Variants in RFX1 observed in about 807,000 individuals in gnomAD.
The protein encoded by RFX1 is MHC class II regulatory factor RFX1.
Under a neutral mutation model 119.6 loss-of-function variants are expected in RFX1, and 42 were observed. The observed-to-expected ratio is 0.35, with a 90% CI of 0.27 to 0.45. RFX1 has a LOEUF of 0.45. RFX1 is among the 20% of genes least tolerant of loss of function. The pLI, the probability that RFX1 is intolerant of heterozygous loss-of-function variation, is 1.00. For synonymous variants in RFX1, 628 were observed against 618.5 expected, an observed-to-expected ratio of 1.02 and a Z score of -0.23; for missense variants, 1,118 against 1,368.1, an observed-to-expected ratio of 0.82 and a Z score of 2.88.
Position 13,963,137 on chromosome 19 carries a change from G to A in RFX1, c.2709C>T (p.Ile903=). 6.2e-7 allele frequency: 1 copy of A among 1,611,670 alleles called. No individual in the cohort carries two copies. Among genetic ancestry groups the A allele is most frequent in the Non-Finnish European group, 8.5e-7 (1 of 1,178,814 alleles). The change falls in exon 19 of 21, where the codon ATC becomes ATT. Residue 903 remains isoleucine (I), a synonymous_variant. Coordinates refer to ENST00000254325, the MANE Select transcript of RFX1 (RefSeq NM_002918.5). ...RVAQAKGETP[I]AVMGEFANLA... ...CCTCGCGCACCTCGCCCATGACGGC[G>A]ATGGGGGTCTCGCCCTTGGCCTGGG...
At chr19:13,972,111 G>T (rs905296815) in intron 9 of RFX1, among the ~76,000 whole-genome samples, 6 of 149,884 alleles carry the variant, frequency 4.0e-5, no homozygotes, top group Admixed American at 2.7e-4. Flanking sequence ...TGAGGCTGCA[G>T]TGAGCTATGA....
rs537985518 is a variant in RFX1 at position 14,004,282 on chromosome 19, G to A, written c.-53+1821C>T. On this transcript the variant is annotated intron_variant, in intron 1 of 20. Transcript: ENST00000254325. Reference sequence around the variant, plus strand: ...CCCAGCATTTTGGGAGGCCGAGGCAGGTAAATCTCGAGGTCAAGAGATCAA... The same window carrying A: ...CCCAGCATTTTGGGAGGCCGAGGCAAGTAAATCTCGAGGTCAAGAGATCAA... Among the ~76,000 whole-genome samples the A allele has an allele frequency of 1.4e-3, 217 of 152,248 alleles. 1 individual carries two copies. Among genetic ancestry groups the A allele is most frequent in the African/African-American group, 5.1e-3 (212 of 41,560 alleles).
chr19:14,004,676 C>T (rs1361429263), intron 1 of RFX1, among the ~76,000 whole-genome samples: 1 of 152,174 alleles, frequency 6.6e-6, no homozygotes, highest in Admixed American at 6.6e-5. Context: ...CCGCCAACCC[C>T]CACCAGACCA....
Position 13,995,979 on chromosome 19 carries a change from G to A in RFX1, c.-52-2084C>T, listed in dbSNP as rs542155722. On this transcript the variant is annotated intron_variant, in intron 1 of 20. Transcript: ENST00000254325. ...GGAGGCAGAGGTTGCAGAGAGCTGT[G>A]AGCCGAGATTGTTCCACTGCACTCC... 5.9e-5 allele frequency among the ~76,000 whole-genome samples: 9 copies of A among 152,056 alleles called. No homozygotes were observed. In the East Asian group the frequency reaches 1.4e-3, roughly 23 times the overall value.
At chr19:13,982,399 T>G (rs1599497000) in intron 4 of RFX1, among the ~76,000 whole-genome samples, 171 bp from the exon 5 acceptor site, 1 of 151,516 alleles carries the variant, frequency 6.6e-6, no homozygotes, top group Admixed American at 6.6e-5. Flanking sequence ...TCACAGAGGG[T>G]GACACCAAGG....
chr19:13,963,167 G>C lies in RFX1; in HGVS notation c.2679C>G (p.Arg893=), dbSNP rs745649726. The C allele has an allele frequency of 1.9e-5, 30 of 1,612,610 alleles. 1 individual carries two copies. The Admixed American group carries it at 5.0e-4, about 27-fold the overall frequency. ...GGGTCTCGCCCTTGGCCTGGGCTAC[G>C]CGGTGCTCGATCAGGTAGTACATGT... ...DEYMYYLIEH[R]VAQAKGETPI... Residue 893 remains arginine, a synonymous_variant, in exon 19 of 21, where the codon CGC becomes CGG. Coordinates refer to ENST00000254325, the MANE Select transcript of RFX1 (RefSeq NM_002918.5).
rs766711898 is a variant in RFX1, at chr19:13,963,250, G to A, written c.2596C>T (p.Leu866=). ...GAACCGAAGCTGGCGGCGCTGCGCA[G>A]GGTCAGGTCCCGGATCACCATGGAG... ...YSSMVIRDLT[L]RSAASFGSFH... Residue 866 remains leucine (L), a synonymous_variant, in exon 19 of 21, where the codon CTG becomes TTG. Coordinates refer to ENST00000254325, the MANE Select transcript of RFX1 (RefSeq NM_002918.5). 1.9e-6 allele frequency: 3 copies of A among 1,611,670 alleles called. No homozygotes were observed. The highest frequency in any genetic ancestry group is 1.7e-5 in the Admixed American group (1 of 59,980).
Position 13,966,326 on chromosome 19 carries a change from G to C in RFX1, c.1961+95C>G, listed in dbSNP as rs1973894842. On this transcript the variant is annotated intron_variant, in intron 14 of 20. Transcript: ENST00000254325. This position sits in a 1 kb window ranked among gnomAD's most constrained non-coding sequence, Gnocchi z 6.3. ...ATATGTGTACCCCACAAACTGCAGGGGACAAGCAGGTGCCCCAACCCTGGC... is the reference window on the plus strand; with the variant it reads ...ATATGTGTACCCCACAAACTGCAGGCGACAAGCAGGTGCCCCAACCCTGGC... 2 of 743,130 alleles carry C rather than the reference G, an allele frequency of 2.7e-6. No individual in the cohort carries two copies. The highest frequency in any genetic ancestry group is 3.5e-5 in the African/African-American group (2 of 57,036). The allele number at this position is 743,130 out of a possible 1,614,324, so 46.0% of individuals were successfully genotyped here.
At chr19:13,970,613 T>C (rs1320780213) in intron 9 of RFX1, among the ~76,000 whole-genome samples, 1 of 129,522 alleles carries the variant, frequency 7.7e-6, no homozygotes, top group Non-Finnish European at 1.5e-5. Context: ...TGCAGTAGGC[T>C]ATGGTCAAGC....
intron 1 of RFX1, among the ~76,000 whole-genome samples, chr19:14,005,706 T>C (rs954270457): frequency 1.3e-5 from 2 of 151,740 alleles, no homozygotes; most frequent in Non-Finnish European, 2.9e-5. Context: ...GAGGTGGAGG[T>C]TGGGGAGACC....
intron 9 of RFX1, among the ~76,000 whole-genome samples, chr19:13,972,492 C>T: frequency 6.6e-6 from 1 of 152,192 alleles, no homozygotes; most frequent in East Asian, 1.9e-4. Context: ...CAGCGCCCAG[C>T]CAACAATAGA....
At chr19:13,971,338 A>G (rs1974071844) in intron 9 of RFX1, among the ~76,000 whole-genome samples, 1 of 152,042 alleles carries the variant, frequency 6.6e-6, no homozygotes, top group African/African-American at 2.4e-5. Flanking sequence ...CTCCATCTCC[A>G]AAAAAGAAAA....
rs1370605174 is a variant in RFX1, at chr19:13,968,422, T to TC, written c.1732+142dup. ...CACTGTGGACGGAGACTGTGATGTC[T>TC]CCCCCACCCCCTGCTGGTTCTCGGG... is the stretch of plus-strand genomic sequence containing the variant. On this transcript the variant is annotated intron_variant, in intron 12 of 20. Transcript: ENST00000254325. The surrounding 1 kb of genome is among the most constrained non-coding windows in gnomAD (Gnocchi z 5.5). The TC allele has an allele frequency of 1.5e-6, 1 of 668,504 alleles. No homozygotes were observed. The highest frequency in any genetic ancestry group is 2.7e-6 in the Non-Finnish European group (1 of 370,678). 41.4% of individuals were successfully genotyped at this position (668,504 alleles called of 1,614,324 possible).
rs560623588 is a variant in RFX1, at chr19:13,969,154, G to A, written c.1497-260C>T. On this transcript the variant is annotated intron_variant, in intron 10 of 20. Transcript: ENST00000254325. This position sits in a 1 kb window ranked among gnomAD's most constrained non-coding sequence, Gnocchi z 4.5. ...ACGAGGTGACGCTGAAGCTGGGAAT[G>A]GGAACCGAGACGTGAGCGGAGGTGA... is the stretch of plus-strand genomic sequence containing the variant. 1.5e-4 allele frequency among the ~76,000 whole-genome samples: 23 copies of A among 152,346 alleles called. No homozygotes were observed. The highest frequency in any genetic ancestry group is 4.8e-4 in the African/African-American group (20 of 41,576).
rs762537905 is a variant in RFX1, at chr19:13,966,370, G to T, written c.1961+51C>A. ...CCCTGGCCATCAAAATCACCTGCGG[G>T]TCATGCCCTCCTCCCCCCTCTCCCT... On this transcript the variant is annotated intron_variant, in intron 14 of 20. Coordinates refer to ENST00000254325, the MANE Select transcript of RFX1 (RefSeq NM_002918.5). The surrounding 1 kb of genome is among the most constrained non-coding windows in gnomAD (Gnocchi z 6.3). 13 of 1,222,848 alleles carry T rather than the reference G, an allele frequency of 1.1e-5. No homozygotes were observed. Among genetic ancestry groups the T allele is most frequent in the South Asian group, 7.3e-5 (6 of 81,758 alleles). The allele number at this position is 1,222,848 out of a possible 1,614,324, so 75.7% of individuals were successfully genotyped here.
At chr19:13,974,153 G>A (rs568590568) in intron 8 of RFX1, among the ~76,000 whole-genome samples, 30 of 152,248 alleles carry the variant, frequency 2.0e-4, no homozygotes, top group African/African-American at 6.3e-4. Context: ...CACGTGCAAA[G>A]GTAAATGAGA....
At chr19:13,970,834 A>G (rs1480330038) in intron 9 of RFX1, among the ~76,000 whole-genome samples, 1 of 151,650 alleles carries the variant, frequency 6.6e-6, no homozygotes, top group African/African-American at 2.4e-5. Flanking sequence ...AAATACAAAA[A>G]TTAGCTGGGA....
At position 13,978,003 on chromosome 19, in the gene RFX1, C is replaced by G. The variant is rs757163093; in HGVS notation, c.918G>C (p.Thr306=). The G allele has an allele frequency of 2.5e-6, 4 of 1,612,820 alleles. No homozygotes were observed. Among genetic ancestry groups the G allele is most frequent in the Non-Finnish European group, 3.4e-6 (4 of 1,179,272 alleles). The part of the protein sequence containing the change: ...QYVEGGDASY[T]ASAIRSSTYS... The stretch of plus-strand genomic sequence containing the variant: ...CTCCCTTCACTTACATGGCACTGGC[C>G]GTGTAGCTGGCATCGCCGCCCTCCA... Residue 306 remains threonine (T), a synonymous_variant, in exon 8 of 21, where the codon ACG becomes ACC. Coordinates refer to ENST00000254325, the MANE Select transcript of RFX1 (RefSeq NM_002918.5).
At chr19:13,994,301 G>C (rs1319797985) in intron 1 of RFX1, among the ~76,000 whole-genome samples, 1 of 152,194 alleles carries the variant, frequency 6.6e-6, no homozygotes, top group Non-Finnish European at 1.5e-5. Context: ...TCAACTACCA[G>C]GGGCTGCCCC....
Sources: allele counts gnomAD v4.1 joint callset (sites outside exome capture counted in the v4.1 genomes callset), GRCh38; gene constraint gnomAD v4.1.1; non-coding constraint Gnocchi (gnomAD v3.1); transcripts MANE v1.5; gene names NCBI Gene and HGNC (gene_info 2026-07-23, HGNC 2026-07-21).